Variants in JAKMIP2 observed in about 807,000 individuals in gnomAD.
JAKMIP2 encodes janus kinase and microtubule-interacting protein 2.
Under a neutral mutation model 115.0 loss-of-function variants are expected in JAKMIP2, and 25 were observed. The observed-to-expected ratio is 0.22, with a 90% CI of 0.16 to 0.30. The LOEUF is 0.30. Among genes scored for constraint, JAKMIP2 ranks in the 10% least tolerant of loss-of-function variants. The pLI is 1.00. For missense variants in JAKMIP2, 642 were observed against 957.6 expected (o/e 0.67, Z 4.35); for synonymous variants, 334 against 343.6 (o/e 0.97, Z 0.31).
At position 147,589,604 on chromosome 5, in the gene JAKMIP2, T is replaced by C. The variant is rs1755020957; in HGVS notation, c.*2103A>G. On this transcript the variant is annotated 3_prime_UTR_variant, in exon 22 of 22. Transcript: ENST00000616793. The stretch of plus-strand genomic sequence containing the variant: ...CTTTGTTTAATGACTGGCTCTCCTG[T>C]GGTAAAAGTGGGGTTCTGTATGATG... 6.6e-6 allele frequency: 1 copy of C among 152,172 alleles called. No homozygotes were observed. The highest frequency in any genetic ancestry group is 1.5e-5 in the Non-Finnish European group (1 of 68,048). The allele number at this position is 152,172 out of a possible 1,614,324, so 9.4% of individuals were successfully genotyped here.
intron 21 of JAKMIP2, among the ~76,000 whole-genome samples, chr5:147,599,494 T>C (rs975739997): frequency 7.2e-5 from 11 of 152,206 alleles, no homozygotes; most frequent in African/African-American, 2.7e-4. Flanking sequence ...ATATTATTAA[T>C]TATCATTATA....
At chr5:147,717,220 C>T (rs1160540384) in intron 1 of JAKMIP2, among the ~76,000 whole-genome samples, 2 of 73,080 alleles carry the variant, frequency 2.7e-5, no homozygotes, top group Non-Finnish European at 5.2e-5. Context: ...TGTTTTGGTA[C>T]CAGTACCATG....
intron 15 of JAKMIP2, 140 bp from the exon 16 acceptor site, chr5:147,628,956 A>T: frequency 1.7e-6 from 1 of 579,750 alleles, no homozygotes; most frequent in South Asian, 2.6e-5. Flanking sequence ...GTTTAGTAAT[A>T]ATTCTGAACA....
In JAKMIP2 at chr5:147,714,397, G is replaced by A. The variant is rs1209788337; in HGVS notation, c.-148-42443C>T. 2.6e-5 allele frequency among the ~76,000 whole-genome samples: 4 copies of A among 152,112 alleles called. No homozygotes were observed. In the East Asian group the frequency reaches 7.7e-4, roughly 29 times the overall value. On this transcript the variant is annotated intron_variant, in intron 1 of 21. Coordinates refer to ENST00000616793, the MANE Select transcript of JAKMIP2 (RefSeq NM_001270941.2). ...GAATTTAGGTGTAACAGAAGAATCA[G>A]GGAATGAAAAACAGGTCGAAAGCAT...
At chr5:147,736,736 T>G (rs2126983608) in intron 1 of JAKMIP2, among the ~76,000 whole-genome samples, 1 of 152,296 alleles carries the variant, frequency 6.6e-6, no homozygotes, top group Middle Eastern at 3.4e-3. Context: ...AAACCCTATA[T>G]TGTTTCAATA....
At chr5:147,608,297 T>C (rs1295350755) in intron 20 of JAKMIP2, among the ~76,000 whole-genome samples, 1 of 152,216 alleles carries the variant, frequency 6.6e-6, no homozygotes, top group Non-Finnish European at 1.5e-5. Flanking sequence ...TCCCACTTTC[T>C]CCTGTGGGGA....
At chr5:147,759,666 G>T (rs1754864388) in intron 1 of JAKMIP2, among the ~76,000 whole-genome samples, 1 of 152,158 alleles carries the variant, frequency 6.6e-6, no homozygotes, top group Non-Finnish European at 1.5e-5. Flanking sequence ...GCTGCAATTT[G>T]AATGACAAGA....
chr5:147,750,729 T>C (rs1290873089), intron 1 of JAKMIP2, among the ~76,000 whole-genome samples: 1 of 152,078 alleles, frequency 6.6e-6, no homozygotes, highest in African/African-American at 2.4e-5. Context: ...AAGAAGGTAA[T>C]GAAGGTTAAG....
chr5:147,690,261 A>ATTC (rs1760764882), intron 1 of JAKMIP2, among the ~76,000 whole-genome samples: 1 of 151,982 alleles, frequency 6.6e-6, no homozygotes, highest in Non-Finnish European at 1.5e-5. Flanking sequence ...TGAGCCCAGA[A>ATTC]GGTTGAGGGT....
At chr5:147,592,572 G>T (rs1755149960) in intron 21 of JAKMIP2, among the ~76,000 whole-genome samples, 2 of 152,198 alleles carry the variant, frequency 1.3e-5, no homozygotes. Flanking sequence ...GTGCTATGAG[G>T]TTGTGCTATC....
intron 1 of JAKMIP2, among the ~76,000 whole-genome samples, chr5:147,681,036 A>G (rs1209546608): frequency 6.6e-6 from 1 of 152,186 alleles, no homozygotes; most frequent in Non-Finnish European, 1.5e-5. Context: ...TCACATCATC[A>G]TAATAGTAGT....
intron 1 of JAKMIP2, among the ~76,000 whole-genome samples, chr5:147,729,127 G>A (rs373286314): frequency 6.6e-6 from 1 of 152,174 alleles, no homozygotes; most frequent in South Asian, 2.1e-4. Context: ...AAAGAGGGAA[G>A]GGAGGGAGGA....
intron 1 of JAKMIP2, among the ~76,000 whole-genome samples, chr5:147,764,781 G>C (rs1418179143): frequency 6.6e-6 from 1 of 151,086 alleles, no homozygotes; most frequent in African/African-American, 2.4e-5. Context: ...AGCTATTCAG[G>C]AGGCTGAGGC....
chr5:147,607,657 C>T (rs1187121131), intron 20 of JAKMIP2, among the ~76,000 whole-genome samples: 2 of 152,110 alleles, frequency 1.3e-5, no homozygotes, highest in Admixed American at 6.5e-5. Flanking sequence ...GTGTCTCTGC[C>T]AGGTTTTATA....
chr5:147,666,796 A>G (rs1201337930), intron 2 of JAKMIP2, among the ~76,000 whole-genome samples: 2 of 152,148 alleles, frequency 1.3e-5, no homozygotes, highest in African/African-American at 4.8e-5. Flanking sequence ...TGTCGATATC[A>G]TTCTCTTACG....
intron 19 of JAKMIP2, among the ~76,000 whole-genome samples, chr5:147,615,205 A>C (rs1384205021): frequency 6.6e-6 from 1 of 152,216 alleles, no homozygotes; most frequent in Non-Finnish European, 1.5e-5. Flanking sequence ...GAATGAGTGC[A>C]TAACAGAATA....
Position 147,632,751 on chromosome 5 carries a change from G to A in JAKMIP2, c.1705C>T (p.Arg569Trp), listed in dbSNP as rs772630884. ...KIEKQEAENHRLQQELQDARD... is the reference protein window; with the variant it reads ...KIEKQEAENHWLQQELQDARD... ...GCGTCCTGTAGTTCTTGTTGTAACC[G>A]GTGATTTTCTGCCTCCTGTTTTTCT... is the stretch of plus-strand genomic sequence containing the variant. The change falls in exon 13 of 22, where the codon CGG becomes TGG. Residue 569 changes from arginine (R) to tryptophan (W), a missense_variant. Arg to Trp is a moderately radical substitution (Grantham distance 101). Around this residue, in one of 6 missense-constraint regions of JAKMIP2, gnomAD observed 103 missense variants for 177.6 expected, o/e 0.58. Transcript: ENST00000616793. 10 of 1,612,512 alleles carry A rather than the reference G, an allele frequency of 6.2e-6. No homozygotes were observed. Among genetic ancestry groups the A allele is most frequent in the Admixed American group, 1.7e-5 (1 of 59,830 alleles).
intron 20 of JAKMIP2, among the ~76,000 whole-genome samples, chr5:147,610,358 G>GAT (rs1464426695): frequency 2.6e-5 from 4 of 152,134 alleles, no homozygotes; most frequent in African/African-American, 7.2e-5. Context: ...GTGACCTTCG[G>GAT]ATACAGTTTT....
intron 1 of JAKMIP2, among the ~76,000 whole-genome samples, chr5:147,688,394 T>C (rs184992959): frequency 1.3e-5 from 2 of 152,302 alleles, no homozygotes; most frequent in East Asian, 3.9e-4. Context: ...AACATAGCTA[T>C]TGCATTGTAA....
Sources: gnomAD v4.1 joint callset for allele counts (sites outside exome capture counted in the v4.1 genomes callset) on GRCh38, gnomAD v4.1.1 for gene constraint, gnomAD v4.1.1 regional missense constraint, MANE v1.5 for transcripts, NCBI Gene and HGNC (gene_info 2026-07-23, HGNC 2026-07-21) for gene names.